The following BBX variants were observed in gnomAD, a reference collection of about 807,000 sequenced individuals.
BBX encodes BBX high mobility group box domain containing.
A neutral mutation model predicts 100.2 loss-of-function variants in BBX; 30 were observed. The ratio of observed to expected loss-of-function variants is 0.30; its 90% CI spans 0.22 to 0.41. The LOEUF (loss-of-function observed/expected upper bound fraction) is 0.41. BBX is among the 10% of genes least tolerant of loss of function. BBX has a pLI of 1.00. For missense variants in BBX, 1,023 were observed against 1,129.8 expected (o/e 0.91, Z 1.35); for synonymous variants, 376 against 388.1 (o/e 0.97, Z 0.37).
intron 2 of BBX, among the ~76,000 whole-genome samples, chr3:107,597,483 G>T (rs2053741760): frequency 6.6e-6 from 1 of 152,050 alleles, no homozygotes; most frequent in Non-Finnish European, 1.5e-5. Context: ...TGCATCATTG[G>T]TGTTTTTCTT....
rs2071116059 is a variant in BBX, at chr3:107,807,418, A to G, written c.*1961A>G. 1 of 152,218 alleles carries G rather than the reference A, an allele frequency of 6.6e-6. No individual in the cohort carries two copies. Among genetic ancestry groups the G allele is most frequent in the Non-Finnish European group, 1.5e-5 (1 of 68,034 alleles). The allele number at this position is 152,218 out of a possible 1,614,324, so 9.4% of individuals were successfully genotyped here. A position where few individuals can be genotyped will look rare whatever the true frequency, so the allele number is the denominator to read the frequency against. On this transcript the variant is annotated 3_prime_UTR_variant, in exon 18 of 18. Transcript: ENST00000325805. ...GTTTTATTAATATTTTCTAAATTTC[A>G]AAACAAAAAGTGAATGTTTGAAATT...
intron 13 of BBX, among the ~76,000 whole-genome samples, chr3:107,783,164 T>C (rs555040016): frequency 6.6e-6 from 1 of 152,128 alleles, no homozygotes; most frequent in African/African-American, 2.4e-5. Context: ...AGAAATCAAA[T>C]TTTTCACTTC....
At chr3:107,691,566 G>C (rs2060172102) in intron 3 of BBX, among the ~76,000 whole-genome samples, 1 of 152,104 alleles carries the variant, frequency 6.6e-6, no homozygotes, top group Non-Finnish European at 1.5e-5. Flanking sequence ...CCAGCATGAC[G>C]CAAGTATAAA....
At chr3:107,572,733 A>C (rs1293048996) in intron 2 of BBX, among the ~76,000 whole-genome samples, 1 of 152,228 alleles carries the variant, frequency 6.6e-6, no homozygotes, top group Non-Finnish European at 1.5e-5. Flanking sequence ...TAATTTTTAA[A>C]AATATACTGA....
chr3:107,606,163 G>T (rs1482786602), intron 2 of BBX, among the ~76,000 whole-genome samples: 1 of 152,148 alleles, frequency 6.6e-6, no homozygotes, highest in Non-Finnish European at 1.5e-5. Flanking sequence ...GTTTGTATAT[G>T]TATCTAACCC....
At position 107,778,357 on chromosome 3, in the gene BBX, T is replaced by TCC; in HGVS notation, c.2055-11_2055-10dup. Reference sequence around the variant, plus strand: ...GGTCATGTGCTGATTGATTCCCCTCTCCCCTTTTAATAGCTCCGCAAAGCT... The same window carrying TCC: ...GGTCATGTGCTGATTGATTCCCCTCTCCCCCCTTTTAATAGCTCCGCAAAGCT... On this transcript the variant is annotated splice_polypyrimidine_tract_variant and intron_variant, in intron 12 of 17. Coordinates refer to ENST00000325805, the MANE Select transcript of BBX (RefSeq NM_001142568.3). 1 of 1,612,764 alleles carries TCC rather than the reference T, an allele frequency of 6.2e-7. No individual in the cohort carries two copies. The highest frequency in any genetic ancestry group is 8.5e-7 in the Non-Finnish European group (1 of 1,179,176).
At chr3:107,701,665 C>T (rs1367139225) in intron 3 of BBX, among the ~76,000 whole-genome samples, 2 of 152,174 alleles carry the variant, frequency 1.3e-5, no homozygotes, top group Non-Finnish European at 1.5e-5. Flanking sequence ...AATATGGAGA[C>T]TCCATGAACT....
intron 7 of BBX, among the ~76,000 whole-genome samples, chr3:107,737,742 A>G (rs1424855588): frequency 6.6e-6 from 1 of 152,106 alleles, no homozygotes; most frequent in Non-Finnish European, 1.5e-5. Flanking sequence ...AAAGGAAATC[A>G]CATTGATTTT....
intron 2 of BBX, among the ~76,000 whole-genome samples, chr3:107,598,122 C>T (rs2053793574): frequency 6.6e-6 from 1 of 152,018 alleles, no homozygotes; most frequent in Admixed American, 6.6e-5. Context: ...TTTGCTTATC[C>T]CAGTTTGAAG....
chr3:107,584,975 C>A (rs2052723218), intron 2 of BBX, among the ~76,000 whole-genome samples: 1 of 151,996 alleles, frequency 6.6e-6, no homozygotes. Flanking sequence ...CCACCCCCGG[C>A]CTCAGTTGAA....
chr3:107,593,479 G>T (rs1266176821), intron 2 of BBX, among the ~76,000 whole-genome samples: 1 of 152,174 alleles, frequency 6.6e-6, no homozygotes, highest in African/African-American at 2.4e-5. Flanking sequence ...AACCTTGAAG[G>T]ATTCAGAAAA....
intron 2 of BBX, among the ~76,000 whole-genome samples, chr3:107,605,458 A>C (rs550186967): frequency 1.3e-5 from 2 of 152,052 alleles, no homozygotes; most frequent in African/African-American, 4.8e-5. Context: ...TTATTCACTC[A>C]GTGTTCTGCC....
chr3:107,538,416 A>T lies in BBX; in HGVS notation c.-84+12018A>T, dbSNP rs978269923. Reference sequence around the variant, plus strand: ...TGTTGTTTCTTTTTCTTTAATTTTTAAAAAATATGACCTTATATGGTCATT... The same window carrying T: ...TGTTGTTTCTTTTTCTTTAATTTTTTAAAAATATGACCTTATATGGTCATT... On this transcript the variant is annotated intron_variant, in intron 2 of 17. Transcript: ENST00000325805. 6.6e-5 allele frequency among the ~76,000 whole-genome samples: 10 copies of T among 152,134 alleles called. No homozygotes were observed. In the South Asian group the frequency reaches 1.4e-3, roughly 22 times the overall value.
At position 107,707,696 on chromosome 3, in the gene BBX, T is replaced by A. The variant is rs538272191; in HGVS notation, c.-9-2756T>A. 1.1e-3 allele frequency among the ~76,000 whole-genome samples: 165 copies of A among 152,236 alleles called. 2 individuals are homozygous for A. Among genetic ancestry groups the A allele is most frequent in the African/African-American group, 3.9e-3 (162 of 41,530 alleles). On this transcript the variant is annotated intron_variant, in intron 3 of 17. Transcript: ENST00000325805. ...TGGTATGTGAGCTACGTGGGAAGAA[T>A]TAGAAATGAGGGAGGACTGAATGCG... is the stretch of plus-strand genomic sequence containing the variant.
chr3:107,728,856 C>A lies in BBX; in HGVS notation c.497C>A (p.Pro166Gln). 1 of 1,613,898 alleles carries A rather than the reference C, an allele frequency of 6.2e-7. No individual in the cohort carries two copies. Among genetic ancestry groups the A allele is most frequent in the Non-Finnish European group, 8.5e-7 (1 of 1,179,846 alleles). The change falls in exon 6 of 18, where the codon CCA becomes CAA. Residue 166 changes from proline to glutamine, a missense_variant. By Grantham distance (76) the Pro-to-Gln change is moderately conservative. Coordinates refer to ENST00000325805, the MANE Select transcript of BBX (RefSeq NM_001142568.3). ...PVKSPTPTVN[P>Q]RKKLWAFPSD... ...AAATCCCCAACACCCACTGTCAATC[C>A]ACGAAAGAAACTTTGGGCCTTCCCA...
chr3:107,755,761 C>A, intron 10 of BBX, 83 bp downstream of exon 10: 1 of 1,145,784 alleles, frequency 8.7e-7, no homozygotes, highest in Non-Finnish European at 1.3e-6. Flanking sequence ...CTAAACTGTA[C>A]CATCTCTCCT....
intron 2 of BBX, among the ~76,000 whole-genome samples, chr3:107,529,484 C>T (rs920771476): frequency 6.6e-6 from 1 of 152,142 alleles, no homozygotes; most frequent in African/African-American, 2.4e-5. Context: ...TGCAGGCAGT[C>T]CTCAGTACAC....
At chr3:107,740,063 G>A (rs900299966) in intron 7 of BBX, among the ~76,000 whole-genome samples, 5 of 151,854 alleles carry the variant, frequency 3.3e-5, no homozygotes, top group African/African-American at 1.2e-4. Flanking sequence ...CAGATGACTC[G>A]ACATGTATTC....
At chr3:107,678,754 A>G (rs1238281735) in intron 3 of BBX, among the ~76,000 whole-genome samples, 1 of 152,052 alleles carries the variant, frequency 6.6e-6, no homozygotes, top group African/African-American at 2.4e-5. Flanking sequence ...TGTTAATTGT[A>G]GTTTATTTCA....
Sources: allele counts gnomAD v4.1 joint callset (sites outside exome capture counted in the v4.1 genomes callset), GRCh38; gene constraint gnomAD v4.1.1; transcripts MANE v1.5; gene names NCBI Gene and HGNC (gene_info 2026-07-23, HGNC 2026-07-21).